The following FBXL3 variants were observed in gnomAD, a reference collection of about 807,000 sequenced individuals.
FBXL3 encodes the protein F-box and leucine rich repeat protein 3.
A neutral mutation model predicts 37.9 loss-of-function variants in FBXL3; 14 were observed. The ratio of observed to expected loss-of-function variants is 0.37; its 90% CI spans 0.24 to 0.58. The LOEUF (loss-of-function observed/expected upper bound fraction) is 0.58. Among genes scored for constraint, FBXL3 ranks in the 20% least tolerant of loss-of-function variants. The pLI, the probability that FBXL3 is intolerant of heterozygous loss-of-function variation, is 0.74. For missense variants in FBXL3, 327 were observed against 511.1 expected, an observed-to-expected ratio of 0.64 and a Z score of 3.47; for synonymous variants, 194 against 180.1, an observed-to-expected ratio of 1.08 and a Z score of -0.62.
chr13:77,008,258 G>GA (rs2034487613), intron 4 of FBXL3, among the ~76,000 whole-genome samples: 1 of 152,126 alleles, frequency 6.6e-6, no homozygotes, highest in African/African-American at 2.4e-5. Flanking sequence ...GGTAATGAAA[G>GA]AAAACATTTA....
intron 4 of FBXL3, chr13:77,013,874 A>G (rs1566228867): frequency 2.0e-5 from 3 of 152,214 alleles, no homozygotes; most frequent in East Asian, 1.9e-4. Flanking sequence ...AGCTTATACT[A>G]TACTATCAGA....
At chr13:77,019,004 G>A in intron 2 of FBXL3, 1 of 248,658 alleles carries the variant, frequency 4.0e-6, no homozygotes, top group Non-Finnish European at 7.6e-6. Flanking sequence ...TATGATAAGA[G>A]ACATATTTAA....
Position 77,007,093 on chromosome 13 carries a change from T to A in FBXL3, c.*52A>T. The A allele has an allele frequency of 6.6e-7, 1 of 1,521,466 alleles. No individual in the cohort carries two copies. The highest frequency in any genetic ancestry group is 8.8e-7 in the Non-Finnish European group (1 of 1,141,974). 94.2% of individuals were successfully genotyped at this position (1,521,466 alleles called of 1,614,324 possible). A position where few individuals can be genotyped will look rare whatever the true frequency, so the allele number is the denominator to read the frequency against. ...ATATCAGAACTACAGCAAATAAAAC[T>A]TTAATTATAATACATTTGCTTGAAA... On this transcript the variant is annotated 3_prime_UTR_variant, in exon 5 of 5. Transcript: ENST00000355619.
At chr13:77,023,372 G>A (rs2034781479) in intron 1 of FBXL3, among the ~76,000 whole-genome samples, 1 of 151,474 alleles carries the variant, frequency 6.6e-6, no homozygotes, top group East Asian at 1.9e-4. Context: ...GTGTGTGTGT[G>A]TCAGAGAGAC....
chr13:77,007,193 G>C lies in FBXL3; in HGVS notation c.1239C>G (p.Ser413=). The C allele has an allele frequency of 1.9e-6, 3 of 1,613,358 alleles. No homozygotes were observed. Among genetic ancestry groups the C allele is most frequent in the Non-Finnish European group, 1.7e-6 (2 of 1,179,710 alleles). ...GAAACCACACCCTACCAAGATGCTTGGACACTTCCCAGTGAATCTGCTCCA... is the reference window on the plus strand; with the variant it reads ...GAAACCACACCCTACCAAGATGCTTCGACACTTCCCAGTGAATCTGCTCCA... ...YSLEQIHWEV[S]KHLGRVWFPD... The change falls in exon 5 of 5, where the codon TCC becomes TCG. Residue 413 remains serine (S), a synonymous_variant. Transcript: ENST00000355619.
chr13:77,024,803 T>C (rs376739262), intron 1 of FBXL3, among the ~76,000 whole-genome samples: 2 of 152,160 alleles, frequency 1.3e-5, no homozygotes, highest in African/African-American at 4.8e-5. Context: ...CTGAATTAAG[T>C]CTGTTAATTG....
intron 3 of FBXL3, chr13:77,016,435 C>T (rs2034643701): frequency 6.6e-6 from 1 of 152,172 alleles, no homozygotes; most frequent in African/African-American, 2.4e-5. Flanking sequence ...ACACATTCCT[C>T]TCTACAAAAC....
At chr13:77,012,511 C>T (rs902295380) in intron 4 of FBXL3, among the ~76,000 whole-genome samples, 1 of 151,832 alleles carries the variant, frequency 6.6e-6, no homozygotes, top group Admixed American at 6.5e-5. Flanking sequence ...AACTAAGTAA[C>T]TAAATGTTCA....
chr13:77,009,797 T>A (rs2034516241), intron 4 of FBXL3: 1 of 152,204 alleles, frequency 6.6e-6, no homozygotes, highest in South Asian at 2.1e-4. Context: ...TAAAGACACA[T>A]GCCCATGTAT....
At chr13:77,020,605 G>GTTTTTTT (rs1555276400) in intron 2 of FBXL3, among the ~76,000 whole-genome samples, 1 of 149,380 alleles carries the variant, frequency 6.7e-6, no homozygotes, top group Non-Finnish European at 1.5e-5. Flanking sequence ...TTCATGCATT[G>GTTTTTTT]TTTTTTTTTT....
At chr13:77,007,850 A>C (rs1430293986) in intron 4 of FBXL3, 62 bp from the exon 5 acceptor site, 27 of 1,416,794 alleles carry the variant, frequency 1.9e-5, no homozygotes, top group Non-Finnish European at 2.6e-5. Flanking sequence ...GAAAAATTCA[A>C]TCAAGTACAT....
At chr13:77,013,992 A>C (rs1419845831) in intron 4 of FBXL3, 1 of 152,220 alleles carries the variant, frequency 6.6e-6, no homozygotes, top group Non-Finnish European at 1.5e-5. Context: ...AGACTCATAC[A>C]ATGTGTTAAA....
chr13:77,018,458 T>C, intron 3 of FBXL3, 142 bp downstream of exon 3: 1 of 548,318 alleles, frequency 1.8e-6, no homozygotes, highest in Non-Finnish European at 2.8e-6. Flanking sequence ...AAATACTATT[T>C]ATTTTCATCC....
intron 1 of FBXL3, among the ~76,000 whole-genome samples, chr13:77,022,804 T>C (rs1458312368): frequency 6.6e-6 from 1 of 152,232 alleles, no homozygotes; most frequent in African/African-American, 2.4e-5. Context: ...AAGATAGTTT[T>C]TTCATGGCAA....
In FBXL3 at chr13:77,015,595, AAAT is replaced by A; in HGVS notation, c.472-18_472-16del. ...ATAAAGTGAGACTGAAAAGCAAAAA[AAAT>A]AAAATAAAAATTATTTCAATTTTTA... On this transcript the variant is annotated splice_polypyrimidine_tract_variant and intron_variant, in intron 3 of 4. Coordinates refer to ENST00000355619, the MANE Select transcript of FBXL3 (RefSeq NM_012158.4). The A allele has an allele frequency of 6.8e-7, 1 of 1,464,300 alleles. No homozygotes were observed. The highest frequency in any genetic ancestry group is 9.1e-7 in the Non-Finnish European group (1 of 1,101,862). 90.7% of individuals were successfully genotyped at this position (1,464,300 alleles called of 1,614,324 possible). A position where few individuals can be genotyped will look rare whatever the true frequency, so the allele number is the denominator to read the frequency against.
Position 77,015,487 on chromosome 13 carries a change from G to A in FBXL3, c.565C>T (p.Leu189Phe). 6.2e-7 allele frequency: 1 copy of A among 1,608,378 alleles called. No individual in the cohort carries two copies. The highest frequency in any genetic ancestry group is 8.5e-7 in the Non-Finnish European group (1 of 1,177,262). The change falls in exon 4 of 5, where the codon CTC (leucine) becomes TTC (phenylalanine). Residue 189 changes from leucine (L) to phenylalanine (F), a missense_variant. Coordinates refer to ENST00000355619, the MANE Select transcript of FBXL3 (RefSeq NM_012158.4). ...CTATTGTTGGCCACTAGTACTTTGA[G>A]AGATGGATCATCTACTGGAGTATCA... The part of the protein sequence containing the change: ...IDDTPVDDPS[L>F]KVLVANNSDT...
At chr13:77,021,327 ATAGAG>A (rs1338627791) in intron 2 of FBXL3, among the ~76,000 whole-genome samples, 181 bp downstream of exon 2, 2 of 152,096 alleles carry the variant, frequency 1.3e-5, no homozygotes, top group Non-Finnish European at 2.9e-5. Context: ...TTAATAATTA[ATAGAG>A]TAATTTAGCT....
intron 1 of FBXL3, 132 bp downstream of exon 1, chr13:77,026,695 A>G (rs1197590647): frequency 6.8e-6 from 1 of 146,858 alleles, no homozygotes; most frequent in African/African-American, 2.5e-5. Flanking sequence ...ACTCCTGAGG[A>G]GCGGCCCGCG....
chr13:77,022,766 A>G (rs2034767821), intron 1 of FBXL3, among the ~76,000 whole-genome samples: 1 of 152,184 alleles, frequency 6.6e-6, no homozygotes. Context: ...ATGTATTCTT[A>G]GCACTTTCAT....
Sources: gnomAD v4.1 joint callset for allele counts (sites outside exome capture counted in the v4.1 genomes callset) on GRCh38, gnomAD v4.1.1 for gene constraint, MANE v1.5 for transcripts, NCBI Gene and HGNC (gene_info 2026-07-23, HGNC 2026-07-21) for gene names.